MAPK4: variants seen among roughly 807,000 people sequenced by gnomAD.
MAPK4 encodes the protein mitogen-activated protein kinase 4, also known as Erk3-related.
MAPK4 carries 22 observed loss-of-function variants against 47.7 expected under a neutral mutation model. The observed-to-expected ratio is 0.46, with a 90% CI of 0.33 to 0.66. The LOEUF is 0.66. Among genes scored for constraint, MAPK4 ranks in the 30% least tolerant of loss-of-function variants. The probability of loss-of-function intolerance (pLI) is 0.02; values close to 1 mark genes in which losing one functional copy is unlikely to be tolerated. For missense variants in MAPK4, 736 were observed against 831.7 expected, an observed-to-expected ratio of 0.88 and a Z score of 1.42; for synonymous variants, 390 against 365.7, an observed-to-expected ratio of 1.07 and a Z score of -0.76.
chr18:50,588,956 G>A (rs112449394), intron 1 of MAPK4, among the ~76,000 whole-genome samples: 1 of 152,182 alleles, frequency 6.6e-6, no homozygotes, highest in Non-Finnish European at 1.5e-5. Flanking sequence ...AATAACATTC[G>A]TGTGTCCACT....
rs2149380402 is a variant in MAPK4, at chr18:50,617,363, G to A, written c.-870-45726G>A. 2.0e-5 allele frequency among the ~76,000 whole-genome samples: 3 copies of A among 152,264 alleles called. No individual in the cohort carries two copies. In the South Asian group the frequency reaches 6.2e-4, roughly 32 times the overall value. On this transcript the variant is annotated intron_variant, in intron 1 of 5. Transcript: ENST00000400384. ...TTATTTAATTTTAATGCTGCACATG[G>A]CAGGAAAATAAAGTGCAAAGTTTAC...
At position 50,573,689 on chromosome 18, in the gene MAPK4, A is replaced by C. The variant is rs2042269532; in HGVS notation, c.-871+13446A>C. Among the ~76,000 whole-genome samples the C allele has an allele frequency of 2.6e-5, 4 of 152,194 alleles. No individual in the cohort carries two copies. The South Asian group carries it at 8.3e-4, about 31-fold the overall frequency. On this transcript the variant is annotated intron_variant, in intron 1 of 5. Transcript: ENST00000400384. ...TTCCATGAAATTGGTACCTGATGCC[A>C]AAAGGGTTGGGGACCACTGCTCTAG...
At chr18:50,699,163 T>C (rs1304812956) in intron 2 of MAPK4, among the ~76,000 whole-genome samples, 1 of 152,220 alleles carries the variant, frequency 6.6e-6, no homozygotes, top group Non-Finnish European at 1.5e-5. Flanking sequence ...GACCCCATGA[T>C]CATCTCAATC....
rs555455258 is a variant in MAPK4 at position 50,705,093 on chromosome 18, T to A, written c.547-9986T>A. 6.1e-4 allele frequency: 156 copies of A among 256,768 alleles called. 1 individual carries two copies. Among genetic ancestry groups the A allele is most frequent in the African/African-American group, 3.2e-3 (146 of 45,324 alleles). The allele number at this position is 256,768 out of a possible 1,614,324, so 15.9% of individuals were successfully genotyped here. ...CATGTTCAATAGAAAACCGGACCCA[T>A]ACCCCACACGGCAGAGGGCTAGGCT... On this transcript the variant is annotated intron_variant, in intron 2 of 5. Transcript: ENST00000400384.
At chr18:50,563,859 C>T (rs779048689) in intron 1 of MAPK4, among the ~76,000 whole-genome samples, 28 of 152,178 alleles carry the variant, frequency 1.8e-4, no homozygotes, top group South Asian at 6.2e-4. Context: ...AATCTGTCAT[C>T]GGTCACTTTC....
chr18:50,641,228 G>A (rs907171105), intron 1 of MAPK4, among the ~76,000 whole-genome samples: 7 of 152,132 alleles, frequency 4.6e-5, no homozygotes, highest in Admixed American at 6.5e-5. Context: ...AGGGCTGGAC[G>A]ATTATCAGTA....
intron 2 of MAPK4, among the ~76,000 whole-genome samples, chr18:50,689,606 T>C (rs1008393746): frequency 1.3e-5 from 2 of 150,950 alleles, no homozygotes; most frequent in African/African-American, 4.9e-5. Flanking sequence ...AGGTTAAAAA[T>C]GAGGTTGTCC....
rs150950235 is a variant in MAPK4 at position 50,595,517 on chromosome 18, C to T, written c.-871+35274C>T. The stretch of plus-strand genomic sequence containing the variant: ...AATACAGAGTGGTAGAAATCAGAAC[C>T]GTCATTGCCTTTGGCGAGGGTGGGT... On this transcript the variant is annotated intron_variant, in intron 1 of 5. Coordinates refer to ENST00000400384, the MANE Select transcript of MAPK4 (RefSeq NM_002747.4). Among the ~76,000 whole-genome samples the T allele has an allele frequency of 4.7e-4, 72 of 152,268 alleles. 2 individuals carry two copies. In the East Asian group the frequency reaches 0.011, roughly 23 times the overall value.
chr18:50,605,827 C>G (rs1241654214), intron 1 of MAPK4, among the ~76,000 whole-genome samples: 1 of 152,158 alleles, frequency 6.6e-6, no homozygotes, highest in Admixed American at 6.5e-5. Flanking sequence ...AACATGGCAG[C>G]CTCTGTCCCA....
intron 1 of MAPK4, among the ~76,000 whole-genome samples, chr18:50,653,955 T>G (rs182403525): frequency 6.6e-6 from 1 of 152,224 alleles, no homozygotes; most frequent in Non-Finnish European, 1.5e-5. Context: ...CAGCTCCAGA[T>G]GCTTGGCAGA....
intron 1 of MAPK4, among the ~76,000 whole-genome samples, chr18:50,654,136 C>T (rs1598871962): frequency 6.6e-6 from 1 of 152,230 alleles, no homozygotes; most frequent in Admixed American, 6.5e-5. Context: ...CCTGTGGCTA[C>T]AAGCCAAGGA....
chr18:50,658,334 C>G (rs956783443), intron 1 of MAPK4, among the ~76,000 whole-genome samples: 1 of 152,178 alleles, frequency 6.6e-6, no homozygotes, highest in Non-Finnish European at 1.5e-5. Context: ...GTAAGAGTCA[C>G]TCGCTGGGGC....
rs757297774 is a variant in MAPK4, at chr18:50,729,777, G to A, written c.1687G>A (p.Asp563Asn). ...PEDLPDNKLG[D>N]LNGACIPEHP... is the part of the protein sequence containing the mutation. The stretch of plus-strand genomic sequence containing the variant: ...GGACCTGCCGGACAATAAACTGGGC[G>A]ACCTCAATGGTGCGTGCATCCCCGA... Residue 563 changes from aspartate to asparagine, a missense_variant, in exon 6 of 6, where the codon GAC (aspartate) becomes AAC (asparagine). Asp to Asn is a conservative substitution (Grantham distance 23). Transcript: ENST00000400384. The A allele has an allele frequency of 2.0e-5, 33 of 1,611,940 alleles. No individual in the cohort carries two copies. Among genetic ancestry groups the A allele is most frequent in the Non-Finnish European group, 2.6e-5 (31 of 1,179,694 alleles).
intron 2 of MAPK4, among the ~76,000 whole-genome samples, chr18:50,683,758 G>T (rs1908715567): frequency 6.6e-6 from 1 of 152,112 alleles, no homozygotes; most frequent in African/African-American, 2.4e-5. Context: ...TTCAGCCCCA[G>T]AGGAGAAGTT....
At chr18:50,604,104 A>C (rs1340106473) in intron 1 of MAPK4, among the ~76,000 whole-genome samples, 3 of 152,344 alleles carry the variant, frequency 2.0e-5, no homozygotes, top group Middle Eastern at 3.4e-3. Context: ...CAAGAAAAAA[A>C]ACTCAAATTC....
At chr18:50,682,047 T>C (rs1908618953) in intron 2 of MAPK4, among the ~76,000 whole-genome samples, 1 of 152,132 alleles carries the variant, frequency 6.6e-6, no homozygotes, top group Non-Finnish European at 1.5e-5. Context: ...GAAAATAGAT[T>C]AGTGGTGCCC....
chr18:50,715,070 G>T lies in MAPK4; in HGVS notation c.547-9G>T, dbSNP rs1263556762. ...ACTGATCAGTGGAACCAGAAATTTT[G>T]TCTTTCAGGGTTATCTGTCAGAAGG... On this transcript the variant is annotated splice_polypyrimidine_tract_variant and intron_variant, in intron 2 of 5. Transcript: ENST00000400384. The T allele has an allele frequency of 6.2e-7, 1 of 1,612,148 alleles. No homozygotes were observed. Among genetic ancestry groups the T allele is most frequent in the Non-Finnish European group, 8.5e-7 (1 of 1,179,472 alleles).
chr18:50,689,540 G>A (rs1230706378), intron 2 of MAPK4, among the ~76,000 whole-genome samples: 1 of 152,114 alleles, frequency 6.6e-6, no homozygotes, highest in Non-Finnish European at 1.5e-5. Context: ...TAAGTCACAG[G>A]ATGTTCAAGT....
Position 50,657,034 on chromosome 18 carries a change from A to C in MAPK4, c.-870-6055A>C, listed in dbSNP as rs1159682119. Reference sequence around the variant, plus strand: ...CTCAGCGATGCCAGCAAGGTCCCACACTCCTCTGCCACCTCCCCACGTGGC... The same window carrying C: ...CTCAGCGATGCCAGCAAGGTCCCACCCTCCTCTGCCACCTCCCCACGTGGC... On this transcript the variant is annotated intron_variant, in intron 1 of 5. Transcript: ENST00000400384. Among the ~76,000 whole-genome samples, 6 of 152,156 alleles carry C rather than the reference A, an allele frequency of 3.9e-5. No homozygotes were observed. The East Asian group carries it at 1.2e-3, about 29-fold the overall frequency.
Sources: allele counts gnomAD v4.1 joint callset (sites outside exome capture counted in the v4.1 genomes callset), GRCh38; gene constraint gnomAD v4.1.1; transcripts MANE v1.5; gene names NCBI Gene and HGNC (gene_info 2026-07-23, HGNC 2026-07-21).